The following PHF21B variants were observed in gnomAD, a reference collection of about 807,000 sequenced individuals.
PHF21B encodes the protein PHD finger protein 4.
In PHF21B, 22 loss-of-function variants were observed where a neutral mutation model predicts 62.2. The observed-to-expected ratio is 0.35, with a 90% confidence interval of 0.25 to 0.51. The LOEUF is 0.51. Among genes scored for constraint, PHF21B ranks in the 20% least tolerant of loss-of-function variants. PHF21B has a pLI of 0.97. For missense variants in PHF21B, 701 were observed against 707.9 expected (o/e 0.99, Z 0.11); for synonymous variants, 341 against 314.7 (o/e 1.08, Z -0.88).
intron 2 of PHF21B, among the ~76,000 whole-genome samples, chr22:44,982,546 C>T (rs1445560115): frequency 2.0e-5 from 3 of 152,172 alleles, no homozygotes; most frequent in East Asian, 1.9e-4. Flanking sequence ...AAGTGCTCGG[C>T]GGGTCCTAAG....
intron 2 of PHF21B, among the ~76,000 whole-genome samples, chr22:44,978,700 C>A (rs779475954): frequency 5.3e-5 from 8 of 152,228 alleles, no homozygotes; most frequent in African/African-American, 9.6e-5. Context: ...TCGGGTAAGG[C>A]ATCCTCCCAA....
chr22:44,990,271 G>A (rs549065709), intron 2 of PHF21B, among the ~76,000 whole-genome samples: 4 of 152,328 alleles, frequency 2.6e-5, no homozygotes, highest in African/African-American at 4.8e-5. Context: ...GGTTTGCCCA[G>A]GAAGAAAAGC....
chr22:45,009,113 G>T lies in PHF21B; in HGVS notation c.54+383C>A. ...CGCCAAAACTACTTCTGCACACCGG[G>T]CAGGTTCGCCCGGGGCGCGGGGGCC... is the stretch of plus-strand genomic sequence containing the variant. On this transcript the variant is annotated intron_variant, in intron 1 of 12. Coordinates refer to ENST00000313237, the MANE Select transcript of PHF21B (RefSeq NM_138415.5). The surrounding 1 kb of genome is among the most constrained non-coding windows in gnomAD (Gnocchi z 5.9). The T allele has an allele frequency of 1.0e-6, 1 of 954,534 alleles. No individual in the cohort carries two copies. The highest frequency in any genetic ancestry group is 1.3e-6 in the Non-Finnish European group (1 of 751,470). 59.1% of individuals were successfully genotyped at this position (954,534 alleles called of 1,614,324 possible). A position where few individuals can be genotyped will look rare whatever the true frequency, so the allele number is the denominator to read the frequency against.
chr22:44,933,976 G>A (rs944666240), intron 2 of PHF21B, among the ~76,000 whole-genome samples: 1 of 152,212 alleles, frequency 6.6e-6, no homozygotes, highest in Non-Finnish European at 1.5e-5. Flanking sequence ...AGCAGTCGCT[G>A]CATTTCCACG....
At chr22:44,980,279 G>A (rs1234979862) in intron 2 of PHF21B, among the ~76,000 whole-genome samples, 1 of 151,982 alleles carries the variant, frequency 6.6e-6, no homozygotes, top group Admixed American at 6.6e-5. Context: ...ACTCCTGGAG[G>A]ACAGGTTCAG....
chr22:44,931,751 T>C (rs2071747451), intron 2 of PHF21B, among the ~76,000 whole-genome samples: 1 of 152,104 alleles, frequency 6.6e-6, no homozygotes, highest in South Asian at 2.1e-4. Context: ...GAGGTCACGC[T>C]AGTTCTGCCG....
rs1442516668 is a variant in PHF21B, at chr22:44,996,921, TGCACACACACGC to T, written c.120+11612_120+11623del. On this transcript the variant is annotated intron_variant, in intron 2 of 12. Transcript: ENST00000313237. ...ACGTGTGCACACATGCATACACACATGCACACACACGCGCACATGCACATCGCTTCCCCGTTC... is the reference window on the plus strand; with the variant it reads ...ACGTGTGCACACATGCATACACACATGCACATGCACATCGCTTCCCCGTTC... Among the ~76,000 whole-genome samples the T allele has an allele frequency of 6.6e-5, 10 of 152,060 alleles. No individual in the cohort carries two copies. The East Asian group carries it at 1.9e-3, about 29-fold the overall frequency.
At chr22:44,910,983 G>A (rs1243648223) in intron 5 of PHF21B, among the ~76,000 whole-genome samples, 1 of 152,254 alleles carries the variant, frequency 6.6e-6, no homozygotes, top group Non-Finnish European at 1.5e-5. Flanking sequence ...TCAGGCTGAG[G>A]TGGTCTCAGA....
intron 2 of PHF21B, chr22:45,001,028 G>T: frequency 6.6e-6 from 1 of 152,272 alleles, no homozygotes; most frequent in East Asian, 1.9e-4. Flanking sequence ...GCTCAGCCAA[G>T]ACACAGGAAG....
At chr22:44,952,101 T>C (rs529351136) in intron 2 of PHF21B, among the ~76,000 whole-genome samples, 1 of 152,244 alleles carries the variant, frequency 6.6e-6, no homozygotes, top group South Asian at 2.1e-4. Context: ...CCAGCACCTA[T>C]GGAGGCCAAG....
At chr22:44,977,752 A>ATTT (rs112069200) in intron 2 of PHF21B, among the ~76,000 whole-genome samples, 67 of 135,146 alleles carry the variant, frequency 5.0e-4, no homozygotes, top group Non-Finnish European at 8.2e-4. Flanking sequence ...CTCATTTTTC[A>ATTT]TTTTTTTTTT....
intron 2 of PHF21B, among the ~76,000 whole-genome samples, chr22:44,944,760 T>C (rs1256431828): frequency 1.3e-5 from 2 of 152,204 alleles, no homozygotes; most frequent in Non-Finnish European, 2.9e-5. Context: ...GAGCTCCTGA[T>C]GAGTGAGTGA....
chr22:45,009,108 A>C lies in PHF21B; in HGVS notation c.54+388T>G. 3.2e-6 allele frequency: 3 copies of C among 930,046 alleles called. No individual in the cohort carries two copies. Among genetic ancestry groups the C allele is most frequent in the South Asian group, 4.6e-5 (1 of 21,740 alleles). 57.6% of individuals were successfully genotyped at this position (930,046 alleles called of 1,614,324 possible). On this transcript the variant is annotated intron_variant, in intron 1 of 12. Coordinates refer to ENST00000313237, the MANE Select transcript of PHF21B (RefSeq NM_138415.5). This position sits in a 1 kb window ranked among gnomAD's most constrained non-coding sequence, Gnocchi z 5.9. ...GCGATCGCCAAAACTACTTCTGCAC[A>C]CCGGGCAGGTTCGCCCGGGGCGCGG...
rs2071008762 is a variant in PHF21B at position 44,893,756 on chromosome 22, T to C, written c.884-223A>G. Among the ~76,000 whole-genome samples, 4 of 152,334 alleles carry C rather than the reference T, an allele frequency of 2.6e-5. No homozygotes were observed. The South Asian group carries it at 8.3e-4, about 32-fold the overall frequency. On this transcript the variant is annotated intron_variant, in intron 6 of 12. Transcript: ENST00000313237. The stretch of plus-strand genomic sequence containing the variant: ...GGCCTCAGGCTGAATGACAGATTGG[T>C]GGGAGGCTGGCAGGTACCCAGAATC...
At chr22:44,964,491 G>T (rs566835377) in intron 2 of PHF21B, among the ~76,000 whole-genome samples, 1 of 152,356 alleles carries the variant, frequency 6.6e-6, no homozygotes, top group South Asian at 2.1e-4. Flanking sequence ...ATCTTCAGCA[G>T]CGAAACAACA....
At chr22:44,886,309 A>T (rs553747556) in intron 10 of PHF21B, among the ~76,000 whole-genome samples, 2 of 148,238 alleles carry the variant, frequency 1.3e-5, no homozygotes, top group Non-Finnish European at 3.0e-5. Context: ...ACTATGCTGA[A>T]GTGGGGAACA....
At chr22:45,004,874 C>A (rs955065671) in intron 2 of PHF21B, among the ~76,000 whole-genome samples, 1 of 152,232 alleles carries the variant, frequency 6.6e-6, no homozygotes, top group African/African-American at 2.4e-5. Context: ...TTCATCAGCT[C>A]CACGGACTCT....
chr22:44,951,571 G>A (rs1418432550), intron 2 of PHF21B, among the ~76,000 whole-genome samples: 1 of 152,198 alleles, frequency 6.6e-6, no homozygotes, highest in Non-Finnish European at 1.5e-5. Flanking sequence ...TGATGCATTT[G>A]CCCAACATTA....
intron 2 of PHF21B, among the ~76,000 whole-genome samples, chr22:44,982,024 C>T (rs929134308): frequency 4.6e-5 from 7 of 152,262 alleles, no homozygotes; most frequent in South Asian, 2.1e-4. Flanking sequence ...TTGGCAAATG[C>T]GGTTTCCCCA....
Sources: gnomAD v4.1 joint callset for allele counts (sites outside exome capture counted in the v4.1 genomes callset) on GRCh38, gnomAD v4.1.1 for gene constraint, Gnocchi (gnomAD v3.1) non-coding constraint, MANE v1.5 for transcripts, NCBI Gene and HGNC (gene_info 2026-07-23, HGNC 2026-07-21) for gene names.